The following DCAF8L2 variants were observed in gnomAD, a reference collection of about 807,000 sequenced individuals.
DCAF8L2 encodes DDB1 and CUL4 associated factor 8 like 2, also known as DDB1- and CUL4-associated factor 8-like protein 2.
For synonymous variants in DCAF8L2, 200 were observed against 190.9 expected (o/e 1.05, Z -0.39); for missense variants, 430 against 490.7 (o/e 0.88, Z 1.17).
intron 4 of DCAF8L2, among the ~76,000 whole-genome samples, chrX:27,727,987 A>G (rs769389966): frequency 9.0e-6 from 1 of 111,579 alleles, no homozygotes; most frequent in African/African-American, 3.2e-5. Context: ...TACAATTGCA[A>G]TGACTAGTTC....
In DCAF8L2 at chrX:27,749,037, C is replaced by T. The variant is rs1298134463; in HGVS notation, c.*246C>T. On this transcript the variant is annotated 3_prime_UTR_variant, in exon 5 of 5. Coordinates refer to ENST00000451261, the MANE Select transcript of DCAF8L2 (RefSeq NM_001353450.2). ...CCTCTTTTGTTACCCCTTATTCTTACATGAGTGCATACACAACTTATTTAT... is the reference window on the plus strand; with the variant it reads ...CCTCTTTTGTTACCCCTTATTCTTATATGAGTGCATACACAACTTATTTAT... 9.0e-6 allele frequency among the ~76,000 whole-genome samples: 1 copy of T among 110,949 alleles called. No homozygotes were observed. The highest frequency in any genetic ancestry group is 9.7e-5 in the Admixed American group (1 of 10,351).
chrX:27,685,663 T>C (rs1930477976), intron 3 of DCAF8L2, among the ~76,000 whole-genome samples: 1 of 111,868 alleles, frequency 8.9e-6, no homozygotes, highest in Non-Finnish European at 1.9e-5. Context: ...TTCAGGACAT[T>C]AGTCTGGGCA....
At chrX:27,728,692 T>A (rs1921016164) in intron 4 of DCAF8L2, among the ~76,000 whole-genome samples, 1 of 111,978 alleles carries the variant, frequency 8.9e-6, no homozygotes, top group East Asian at 2.8e-4. Context: ...CTATTAGATA[T>A]AGATATAGAT....
the DCAF8L2 span, among the ~76,000 whole-genome samples, chrX:27,488,092 G>A: frequency 2.7e-5 from 3 of 111,746 alleles, no homozygotes; most frequent in Non-Finnish European, 3.8e-5. Context: ...TTCCAAAGTT[G>A]TTGTAACTTA....
chrX:27,510,074 G>A, the DCAF8L2 span, among the ~76,000 whole-genome samples: 1 of 111,224 alleles, frequency 9.0e-6, no homozygotes, highest in Non-Finnish European at 1.9e-5. Flanking sequence ...TCTGTCATAG[G>A]CCTCATGGGT....
the DCAF8L2 span, among the ~76,000 whole-genome samples, chrX:27,492,772 C>G: frequency 8.9e-6 from 1 of 112,246 alleles, no homozygotes; most frequent in South Asian, 3.7e-4. Flanking sequence ...TGAGCCACCA[C>G]GCCCGGTTCC....
chrX:27,472,113 G>A, the DCAF8L2 span, among the ~76,000 whole-genome samples: 1 of 111,565 alleles, frequency 9.0e-6, no homozygotes, highest in African/African-American at 3.3e-5. Flanking sequence ...ATCTGTGTAT[G>A]TAAGCTCTTT....
chrX:27,542,194 T>A, the DCAF8L2 span, among the ~76,000 whole-genome samples: 4 of 111,559 alleles, frequency 3.6e-5, no homozygotes, highest in African/African-American at 1.3e-4. Context: ...TAGAATGATT[T>A]ATTTTCCTTT....
intron 3 of DCAF8L2, among the ~76,000 whole-genome samples, chrX:27,695,736 C>A (rs1930869988): frequency 9.0e-6 from 1 of 111,033 alleles, no homozygotes; most frequent in Non-Finnish European, 1.9e-5. Context: ...TATTTTAATG[C>A]CTATAGATAT....
At position 27,634,361 on chromosome X, in the gene DCAF8L2, T is replaced by A. The variant is rs1207270026; in HGVS notation, c.-220+2361T>A. ...GTTCAATCCTAAATATCCTTCCAGA[T>A]TCAGTTCATATGTTACCTCCTTTGC... On this transcript the variant is annotated intron_variant, in intron 2 of 4. Transcript: ENST00000451261. 8.9e-5 allele frequency among the ~76,000 whole-genome samples: 10 copies of A among 111,844 alleles called. No individual in the cohort carries two copies. In the Admixed American group the frequency reaches 9.5e-4, roughly 11 times the overall value.
the DCAF8L2 span, among the ~76,000 whole-genome samples, chrX:27,514,701 AAAAAAAAC>A: frequency 1.6e-3 from 162 of 99,533 alleles, 4 homozygotes; most frequent in African/African-American, 6.3e-3. Context: ...AAAAACAAAA[AAAAAAAAC>A]AGAGTGAAAT....
chrX:27,673,957 G>A (rs781078109), intron 2 of DCAF8L2, among the ~76,000 whole-genome samples: 6 of 110,880 alleles, frequency 5.4e-5, no homozygotes, highest in African/African-American at 1.3e-4. Context: ...TATTTTATGC[G>A]TATATAGTAC....
At chrX:27,684,054 C>CTTTCATTGAATACCTTT (rs1174701238) in intron 3 of DCAF8L2, among the ~76,000 whole-genome samples, 136 of 112,629 alleles carry the variant, frequency 1.2e-3, no homozygotes, top group Middle Eastern at 4.7e-3. Context: ...ACTGCATGAC[C>CTTTCATTGAATACCTTT]TTTCATTGAA....
At chrX:27,547,835 C>CTT in the DCAF8L2 span, among the ~76,000 whole-genome samples, 2 of 99,359 alleles carry the variant, frequency 2.0e-5, no homozygotes, top group African/African-American at 7.9e-5. Context: ...CTCTCTCTCT[C>CTT]TCTCTCTCTT....
intron 2 of DCAF8L2, among the ~76,000 whole-genome samples, chrX:27,649,299 A>T (rs1201061201): frequency 8.9e-6 from 1 of 111,972 alleles, no homozygotes; most frequent in Non-Finnish European, 1.9e-5. Flanking sequence ...TGGAGGAATG[A>T]TTTAGTTTCT....
At chrX:27,503,278 G>T in the DCAF8L2 span, among the ~76,000 whole-genome samples, 1 of 110,987 alleles carries the variant, frequency 9.0e-6, no homozygotes, top group South Asian at 3.8e-4. Context: ...CAGGATATAT[G>T]CAGGGCCAAA....
chrX:27,636,445 CTG>C (rs1406856843), intron 2 of DCAF8L2, among the ~76,000 whole-genome samples: 4 of 111,995 alleles, frequency 3.6e-5, no homozygotes, highest in African/African-American at 1.3e-4. Context: ...GAATTAAAAA[CTG>C]TGTTTATTCA....
the DCAF8L2 span, among the ~76,000 whole-genome samples, chrX:27,578,508 T>C: frequency 8.9e-6 from 1 of 111,803 alleles, no homozygotes; most frequent in Admixed American, 9.5e-5. Context: ...AAAGATTTCA[T>C]GAAGAAAATA....
chrX:27,663,057 A>T (rs1416984643), intron 2 of DCAF8L2, among the ~76,000 whole-genome samples: 1 of 111,973 alleles, frequency 8.9e-6, no homozygotes, highest in African/African-American at 3.2e-5. Flanking sequence ...AATATTTGTT[A>T]AAGTAATATT....
Sources: allele counts gnomAD v4.1 joint callset (sites outside exome capture counted in the v4.1 genomes callset), GRCh38; gene constraint gnomAD v4.1.1; transcripts MANE v1.5; gene names NCBI Gene and HGNC (gene_info 2026-07-23, HGNC 2026-07-21).